Variants in SGMS1 observed in about 807,000 individuals in gnomAD.
The protein encoded by SGMS1 is sphingomyelin synthase 1, also known as phosphatidylcholine:ceramide cholinephosphotransferase 1.
A neutral mutation model predicts 46.2 loss-of-function variants in SGMS1; 13 were observed. That is an observed-to-expected ratio of 0.28 (90% CI 0.18 to 0.45). SGMS1 has a LOEUF of 0.45. Ranked by LOEUF, SGMS1 falls within the 20% of genes least tolerant of loss-of-function variation. The probability of loss-of-function intolerance (pLI) is 1.00; values close to 1 mark genes in which losing one functional copy is unlikely to be tolerated. For synonymous variants in SGMS1, 203 were observed against 187.8 expected (o/e 1.08, Z -0.66); for missense variants, 324 against 519.9 (o/e 0.62, Z 3.66).
intron 2 of SGMS1, among the ~76,000 whole-genome samples, chr10:50,581,727 GTGT>G (rs1378764405): frequency 6.6e-6 from 1 of 152,134 alleles, no homozygotes; most frequent in Non-Finnish European, 1.5e-5. Flanking sequence ...CTCTGAATAG[GTGT>G]TGTTCTTTGG....
intron 3 of SGMS1, among the ~76,000 whole-genome samples, chr10:50,472,329 A>G (rs946301336): frequency 6.6e-6 from 1 of 152,048 alleles, no homozygotes; most frequent in Non-Finnish European, 1.5e-5. Context: ...CCTCCAATTT[A>G]TCTCTCCATC....
intron 5 of SGMS1, among the ~76,000 whole-genome samples, chr10:50,434,196 C>G (rs1003943946): frequency 6.6e-6 from 1 of 152,146 alleles, no homozygotes; most frequent in South Asian, 2.1e-4. Context: ...TCATTCAGAA[C>G]AATGTGTTTA....
intron 2 of SGMS1, among the ~76,000 whole-genome samples, chr10:50,578,649 C>T (rs962226126): frequency 1.3e-5 from 2 of 152,156 alleles, no homozygotes; most frequent in African/African-American, 2.4e-5. Context: ...TGCTCACCAC[C>T]GCAGGTATGT....
chr10:50,370,224 T>G (rs1196479759), intron 6 of SGMS1, among the ~76,000 whole-genome samples: 1 of 152,088 alleles, frequency 6.6e-6, no homozygotes, highest in Non-Finnish European at 1.5e-5. Flanking sequence ...ATTTAAAAGT[T>G]TTTCTTTCTT....
intron 2 of SGMS1, among the ~76,000 whole-genome samples, chr10:50,543,091 C>T (rs748448532): frequency 2.0e-5 from 3 of 152,146 alleles, no homozygotes; most frequent in Non-Finnish European, 4.4e-5. Context: ...ATAAAGTTAG[C>T]ACCCAAACTG....
chr10:50,563,770 A>T (rs1025431069), intron 2 of SGMS1, among the ~76,000 whole-genome samples: 1 of 149,336 alleles, frequency 6.7e-6, no homozygotes, highest in Non-Finnish European at 1.5e-5. Context: ...AAAAAAAGAA[A>T]CTCTTTTGAT....
chr10:50,569,986 G>C (rs1207821958), intron 2 of SGMS1, among the ~76,000 whole-genome samples: 3 of 152,106 alleles, frequency 2.0e-5, no homozygotes, highest in African/African-American at 7.2e-5. Flanking sequence ...CTTTTTCAAG[G>C]CCGCCTGCTG....
chr10:50,346,664 C>T (rs1301219968), intron 6 of SGMS1, among the ~76,000 whole-genome samples: 2 of 152,042 alleles, frequency 1.3e-5, no homozygotes, highest in Admixed American at 1.3e-4. Context: ...CTCCTTGCCC[C>T]TTTTCCTATA....
chr10:50,522,654 T>C (rs1317231009), intron 2 of SGMS1, among the ~76,000 whole-genome samples: 1 of 152,162 alleles, frequency 6.6e-6, no homozygotes, highest in Non-Finnish European at 1.5e-5. Context: ...ATGAGTCTAT[T>C]TCACTTATGT....
chr10:50,422,047 C>A lies in SGMS1; in HGVS notation c.-232+11429G>T, dbSNP rs147066151. Among the ~76,000 whole-genome samples the A allele has an allele frequency of 5.3e-5, 8 of 152,270 alleles. No homozygotes were observed. In the East Asian group the frequency reaches 1.5e-3, roughly 29 times the overall value. Reference sequence around the variant, plus strand: ...CCCTTTCTTCTCCTAGAACTTTTGTCACTGGCAAAAGCCCTGGGGAATCTC... The same window carrying A: ...CCCTTTCTTCTCCTAGAACTTTTGTAACTGGCAAAAGCCCTGGGGAATCTC... On this transcript the variant is annotated intron_variant, in intron 6 of 10. Coordinates refer to ENST00000361781, the MANE Select transcript of SGMS1 (RefSeq NM_147156.4).
chr10:50,541,306 T>C (rs1419030486), intron 2 of SGMS1, among the ~76,000 whole-genome samples: 2 of 152,200 alleles, frequency 1.3e-5, no homozygotes, highest in African/African-American at 4.8e-5. Context: ...TAGCACTTAC[T>C]GCAACTTTTT....
At chr10:50,493,919 T>C (rs1316824527) in intron 3 of SGMS1, among the ~76,000 whole-genome samples, 1 of 152,226 alleles carries the variant, frequency 6.6e-6, no homozygotes, top group Non-Finnish European at 1.5e-5. Context: ...TGCCTCAGCG[T>C]CCCGTGTAAC....
At chr10:50,572,225 T>C (rs879673787) in intron 2 of SGMS1, among the ~76,000 whole-genome samples, 1 of 152,184 alleles carries the variant, frequency 6.6e-6, no homozygotes, top group Non-Finnish European at 1.5e-5. Flanking sequence ...ATTAGCTTTG[T>C]AACCAAGGAT....
At chr10:50,332,536 G>C (rs1264807386) in intron 7 of SGMS1, among the ~76,000 whole-genome samples, 1 of 150,760 alleles carries the variant, frequency 6.6e-6, no homozygotes, top group Non-Finnish European at 1.5e-5. Context: ...ACAGCACCTG[G>C]ATTCCCTGGA....
chr10:50,526,703 C>T (rs918498323), intron 2 of SGMS1, among the ~76,000 whole-genome samples: 1 of 152,126 alleles, frequency 6.6e-6, no homozygotes, highest in Non-Finnish European at 1.5e-5. Flanking sequence ...TCCTGTTATT[C>T]AATCCCTGAT....
chr10:50,425,339 T>G (rs1849311227), intron 6 of SGMS1, among the ~76,000 whole-genome samples: 1 of 152,152 alleles, frequency 6.6e-6, no homozygotes, highest in Non-Finnish European at 1.5e-5. Flanking sequence ...AGACAGGGAA[T>G]CAACCTAGGT....
chr10:50,490,635 C>A (rs1225361906), intron 3 of SGMS1, among the ~76,000 whole-genome samples: 1 of 152,194 alleles, frequency 6.6e-6, no homozygotes, highest in African/African-American at 2.4e-5. Flanking sequence ...TTATCGATCT[C>A]AAAGAATTCT....
intron 2 of SGMS1, among the ~76,000 whole-genome samples, chr10:50,546,268 A>G (rs957011765): frequency 6.6e-6 from 1 of 152,192 alleles, no homozygotes; most frequent in Non-Finnish European, 1.5e-5. Context: ...CAGCCACTGC[A>G]GTAAAACCAC....
intron 3 of SGMS1, among the ~76,000 whole-genome samples, chr10:50,498,373 A>G (rs1837634076): frequency 6.6e-6 from 1 of 152,198 alleles, no homozygotes; most frequent in African/African-American, 2.4e-5. Flanking sequence ...ATATAGTTTT[A>G]TGGCTTTAAG....
Sources: allele counts gnomAD v4.1 joint callset (sites outside exome capture counted in the v4.1 genomes callset), GRCh38; gene constraint gnomAD v4.1.1; transcripts MANE v1.5; gene names NCBI Gene and HGNC (gene_info 2026-07-23, HGNC 2026-07-21).